Variants in EPC1 observed in about 807,000 individuals in gnomAD.
EPC1 encodes the protein enhancer of polycomb homolog 1.
Under a neutral mutation model 98.4 loss-of-function variants are expected in EPC1, and 12 were observed. The observed-to-expected ratio is 0.12, with a 90% CI of 0.08 to 0.20. EPC1 has a LOEUF of 0.20. EPC1 is among the 10% of genes least tolerant of loss of function. The pLI is 1.00. For missense variants in EPC1, 729 were observed against 990.5 expected (o/e 0.74, Z 3.54); for synonymous variants, 357 against 363.9 (o/e 0.98, Z 0.21).
At chr10:32,292,777 C>T in intron 4 of EPC1, 133 bp from the exon 5 acceptor site, 1 of 925,382 alleles carries the variant, frequency 1.1e-6, no homozygotes, top group Non-Finnish European at 1.5e-6. Flanking sequence ...CACAGATCAC[C>T]AGGAAATCAA....
intron 1 of EPC1, among the ~76,000 whole-genome samples, chr10:32,340,234 T>C (rs1838251853): frequency 6.6e-6 from 1 of 152,246 alleles, no homozygotes; most frequent in South Asian, 2.1e-4. Context: ...GGGAGGGCTT[T>C]ATCTTTTAAA....
chr10:32,297,904 T>TCTC (rs1303160830), intron 2 of EPC1, among the ~76,000 whole-genome samples: 1 of 151,784 alleles, frequency 6.6e-6, no homozygotes, highest in Non-Finnish European at 1.5e-5. Context: ...TTAACACCAT[T>TCTC]CTCCTGCCTC....
intron 1 of EPC1, among the ~76,000 whole-genome samples, chr10:32,361,146 C>G (rs1210015097): frequency 6.6e-6 from 1 of 152,208 alleles, no homozygotes; most frequent in Middle Eastern, 3.2e-3. Flanking sequence ...TTTAGGAAAA[C>G]AAATTGCTAA....
chr10:32,287,156 T>G lies in EPC1; in HGVS notation c.1094A>C (p.Asn365Thr). Residue 365 changes from asparagine (N) to threonine (T), a missense_variant, in exon 7 of 14, where the codon AAT (asparagine) becomes ACT (threonine). Asn to Thr is a moderately conservative substitution (Grantham distance 65, BLOSUM62 0). This residue lies in a region of EPC1 where 390 missense variants were observed against 438.6 expected (regional missense o/e 0.89). Transcript: ENST00000319778. ...QTSPAALPVF[N>T]AKDLNQYDFP... ...GTCATACTGATTCAGATCTTTAGCATTGAAGACTGGCAGTGCAGCAGGACT... is the reference window on the plus strand; with the variant it reads ...GTCATACTGATTCAGATCTTTAGCAGTGAAGACTGGCAGTGCAGCAGGACT... 2 of 1,614,174 alleles carry G rather than the reference T, an allele frequency of 1.2e-6. No individual in the cohort carries two copies. The highest frequency in any genetic ancestry group is 1.7e-6 in the Non-Finnish European group (2 of 1,180,022).
chr10:32,292,348 TA>T, intron 5 of EPC1, 147 bp downstream of exon 5: 1 of 540,558 alleles, frequency 1.8e-6, no homozygotes, highest in Non-Finnish European at 3.0e-6. Flanking sequence ...TGTAAAAGTA[TA>T]AAAAGTATCA....
At chr10:32,295,003 G>C (rs1188997602) in intron 2 of EPC1, among the ~76,000 whole-genome samples, 2 of 152,008 alleles carry the variant, frequency 1.3e-5, no homozygotes, top group Admixed American at 1.3e-4. Context: ...ACCCAGCCTG[G>C]TATCACTCAT....
At chr10:32,281,464 G>A (rs771137723) in intron 10 of EPC1, among the ~76,000 whole-genome samples, 1 of 152,128 alleles carries the variant, frequency 6.6e-6, no homozygotes, top group Non-Finnish European at 1.5e-5. Context: ...GGGCCATGCT[G>A]TATGAAAATT....
chr10:32,269,480 A>G (rs1835733885), intron 13 of EPC1: 3 of 234,878 alleles, frequency 1.3e-5, no homozygotes, highest in South Asian at 5.4e-5. Context: ...GGAAACAAAC[A>G]TAACTGAGAT....
At chr10:32,277,729 G>T (rs1836173999) in intron 10 of EPC1, among the ~76,000 whole-genome samples, 1 of 152,076 alleles carries the variant, frequency 6.6e-6, no homozygotes, top group South Asian at 2.1e-4. Context: ...ACTATGCCTG[G>T]CTAATTTTTG....
intron 13 of EPC1, among the ~76,000 whole-genome samples, chr10:32,270,006 C>T (rs1835760695): frequency 2.0e-5 from 3 of 152,312 alleles, no homozygotes; most frequent in East Asian, 1.9e-4. Flanking sequence ...TGAGCCTATA[C>T]AAAAACCAGT....
intron 1 of EPC1, among the ~76,000 whole-genome samples, chr10:32,308,573 C>T (rs1836010573): frequency 6.6e-6 from 1 of 152,116 alleles, no homozygotes; most frequent in African/African-American, 2.4e-5. Flanking sequence ...TAAAGATCTA[C>T]CTTTTTTCCC....
chr10:32,268,991 C>T lies in EPC1; in HGVS notation c.*72G>A, dbSNP rs1344563388. On this transcript the variant is annotated 3_prime_UTR_variant, in exon 14 of 14. Transcript: ENST00000319778. ...AACGCATGTGCTGCTTTCCATCATCCCTTGCATTCAAAATGCTACTGATGC... is the reference window on the plus strand; with the variant it reads ...AACGCATGTGCTGCTTTCCATCATCTCTTGCATTCAAAATGCTACTGATGC... 8.0e-7 allele frequency: 1 copy of T among 1,253,570 alleles called. No homozygotes were observed. The highest frequency in any genetic ancestry group is 1.9e-4 in the Middle Eastern group (1 of 5,342). The allele number at this position is 1,253,570 out of a possible 1,614,324, so 77.7% of individuals were successfully genotyped here.
At position 32,340,856 on chromosome 10, in the gene EPC1, T is replaced by G. The variant is rs180803740; in HGVS notation, c.153+5907A>C. 2.0e-5 allele frequency among the ~76,000 whole-genome samples: 3 copies of G among 152,256 alleles called. No individual in the cohort carries two copies. The East Asian group carries it at 5.8e-4, about 29-fold the overall frequency. ...AAAAAAAACCCGCAATTCTAGCAAG[T>G]TGTTTAAAACATTTGAATCCCTTGT... On this transcript the variant is annotated intron_variant, in intron 1 of 13. Coordinates refer to ENST00000319778, the MANE Select transcript of EPC1 (RefSeq NM_001272004.3).
At chr10:32,377,754 G>A (rs1201554893) in intron 1 of EPC1, among the ~76,000 whole-genome samples, 1 of 151,220 alleles carries the variant, frequency 6.6e-6, no homozygotes, top group African/African-American at 2.4e-5. Flanking sequence ...GAGCACTACA[G>A]CGCCACCAAC....
At chr10:32,370,206 T>A (rs1285193715) in intron 1 of EPC1, among the ~76,000 whole-genome samples, 1 of 152,210 alleles carries the variant, frequency 6.6e-6, no homozygotes, top group Admixed American at 6.5e-5. Context: ...TTTGTGTTCA[T>A]TAGGCAGTCA....
At chr10:32,271,187 C>T (rs1003627318) in intron 13 of EPC1, among the ~76,000 whole-genome samples, 2 of 152,086 alleles carry the variant, frequency 1.3e-5, no homozygotes, top group African/African-American at 4.8e-5. Flanking sequence ...GGTGGCCTTT[C>T]ACCATGTTGG....
In EPC1 at chr10:32,355,607, C is replaced by CT. The variant is rs542748610; in HGVS notation, c.3+22883dup. Among the ~76,000 whole-genome samples the CT allele has an allele frequency of 8.0e-4, 58 of 72,858 alleles. 1 individual carries two copies. Among genetic ancestry groups the CT allele is most frequent in the African/African-American group, 2.4e-3 (54 of 22,232 alleles). The allele number at this position is 72,858 out of a possible 152,430, so 47.8% of individuals were successfully genotyped here. On this transcript the variant is annotated intron_variant, in intron 1 of 13. Transcript: ENST00000375110. ...AACACACTACCTTTAGTGCCTTACC[C>CT]TTTTTTTTTTTTTTTTTTTTTTTTT...
chr10:32,358,656 G>A (rs536627561), intron 1 of EPC1, among the ~76,000 whole-genome samples: 21 of 148,538 alleles, frequency 1.4e-4, no homozygotes, highest in African/African-American at 3.7e-4. Context: ...AAGCGGGGGC[G>A]GGGGGGGAAG....
chr10:32,325,873 T>C (rs2132938458), intron 1 of EPC1, among the ~76,000 whole-genome samples: 1 of 152,222 alleles, frequency 6.6e-6, no homozygotes. Flanking sequence ...TTGTACTTAA[T>C]TAGGAATTTA....
Sources: allele counts gnomAD v4.1 joint callset (sites outside exome capture counted in the v4.1 genomes callset), GRCh38; gene constraint gnomAD v4.1.1; regional missense constraint gnomAD v4.1.1; transcripts MANE v1.5; gene names NCBI Gene and HGNC (gene_info 2026-07-23, HGNC 2026-07-21).